Variants in CELF2 observed in about 807,000 individuals in gnomAD.
The protein encoded by CELF2 is CUG triplet repeat RNA-binding protein 2.
CELF2 carries 8 observed loss-of-function variants against 62.6 expected under a neutral mutation model. The observed-to-expected ratio is 0.13, with a 90% CI of 0.07 to 0.23. CELF2 has a LOEUF of 0.23. Among genes scored for constraint, CELF2 ranks in the 10% least tolerant of loss-of-function variants. The pLI, the probability that CELF2 is intolerant of heterozygous loss-of-function variation, is 1.00. For missense variants in CELF2, 333 were observed against 671.0 expected, an observed-to-expected ratio of 0.50 and a Z score of 5.56; for synonymous variants, 258 against 250.0, an observed-to-expected ratio of 1.03 and a Z score of -0.30.
the CELF2 span, among the ~76,000 whole-genome samples, chr10:10,790,214 TTTTTATATTCAAGAATATA>T: frequency 1.8e-4 from 27 of 152,132 alleles, no homozygotes; most frequent in African/African-American, 4.8e-5. Context: ...CGTCTATTAG[TTTTTATATTCAAGAATATA>T]TTTTATATTC....
chr10:11,128,854 T>C (rs1442600914), intron 1 of CELF2, among the ~76,000 whole-genome samples: 1 of 152,228 alleles, frequency 6.6e-6, no homozygotes, highest in Non-Finnish European at 1.5e-5. Flanking sequence ...CCTTTCCTAA[T>C]TGAATACCCT....
At chr10:10,924,111 T>A (rs573483507) in intron 2 of CELF2, 120 of 151,618 alleles carry the variant, frequency 7.9e-4, no homozygotes, top group African/African-American at 2.8e-3. Flanking sequence ...ATATAAACAC[T>A]CTCTACTAAA....
intron 8 of CELF2, among the ~76,000 whole-genome samples, chr10:11,284,037 T>C (rs1449852099): frequency 3.8e-5 from 5 of 130,962 alleles, no homozygotes; most frequent in Non-Finnish European, 4.9e-5. Context: ...TGGATGAGTG[T>C]GTGGTGAGTG....
the CELF2 span, among the ~76,000 whole-genome samples, chr10:10,540,199 T>C: frequency 6.6e-6 from 1 of 152,202 alleles, no homozygotes; most frequent in South Asian, 2.1e-4. Context: ...ACAGTCCCAG[T>C]TGTTTTATTG....
At chr10:10,559,452 A>G in the CELF2 span, among the ~76,000 whole-genome samples, 1 of 152,240 alleles carries the variant, frequency 6.6e-6, no homozygotes, top group South Asian at 2.1e-4. Flanking sequence ...AGTGCCTAGC[A>G]CAGCGTTTGA....
chr10:11,185,890 C>G (rs1242989596), intron 2 of CELF2, among the ~76,000 whole-genome samples: 1 of 152,158 alleles, frequency 6.6e-6, no homozygotes, highest in Non-Finnish European at 1.5e-5. Flanking sequence ...CTTCAGTTTC[C>G]TGGAAAATTG....
the CELF2 span, among the ~76,000 whole-genome samples, chr10:10,564,666 A>G: frequency 1.5e-4 from 15 of 102,308 alleles, no homozygotes; most frequent in Middle Eastern, 4.6e-3. Context: ...ACACACACAC[A>G]CACACACGCA....
intron 5 of CELF2, among the ~76,000 whole-genome samples, chr10:11,264,422 A>C (rs2081588300): frequency 6.6e-6 from 1 of 152,266 alleles, no homozygotes; most frequent in South Asian, 2.1e-4. Flanking sequence ...CTGGATAATA[A>C]GAGCAAATGA....
chr10:10,871,670 G>A (rs1333925878), intron 1 of CELF2, among the ~76,000 whole-genome samples: 2 of 152,060 alleles, frequency 1.3e-5, no homozygotes, highest in Non-Finnish European at 2.9e-5. Context: ...CAGGCATTTC[G>A]AAAGACTTCT....
rs1482465729 is a variant in CELF2 at position 11,237,733 on chromosome 10, G to T, written c.355-11420G>T. 7.2e-6 allele frequency among the ~76,000 whole-genome samples: 1 copy of T among 139,012 alleles called. No homozygotes were observed. Among genetic ancestry groups the T allele is most frequent in the Non-Finnish European group, 1.6e-5 (1 of 63,718 alleles). 91.2% of individuals were successfully genotyped at this position (139,012 alleles called of 152,430 possible). Reference sequence around the variant, plus strand: ...TCACAGTGAGCCCCACCTGACAACAGCTGGCACTGGGGAGGGCACCGAAGG... The same window carrying T: ...TCACAGTGAGCCCCACCTGACAACATCTGGCACTGGGGAGGGCACCGAAGG... On this transcript the variant is annotated intron_variant, in intron 3 of 12. Coordinates refer to ENST00000633077, the MANE Select transcript of CELF2 (RefSeq NM_001326342.2). The surrounding 1 kb of genome is among the most constrained non-coding windows in gnomAD (Gnocchi z 4.0).
At chr10:10,944,595 A>G (rs2135538271) in intron 2 of CELF2, among the ~76,000 whole-genome samples, 1 of 150,972 alleles carries the variant, frequency 6.6e-6, no homozygotes, top group African/African-American at 2.4e-5. Context: ...TGGAGGGAGG[A>G]TTTTTTTTTC....
chr10:10,889,701 A>C (rs2061999854), intron 1 of CELF2, among the ~76,000 whole-genome samples: 1 of 152,194 alleles, frequency 6.6e-6, no homozygotes, highest in African/African-American at 2.4e-5. Flanking sequence ...TAGTTCTGCC[A>C]CCTGCAAGCA....
At chr10:10,849,809 T>C (rs570369629) in intron 1 of CELF2, among the ~76,000 whole-genome samples, 7 of 151,830 alleles carry the variant, frequency 4.6e-5, no homozygotes, top group Non-Finnish European at 1.0e-4. Flanking sequence ...GGATAAAAAT[T>C]TATCCAGTTA....
chr10:10,832,262 C>A (rs1174717408), intron 1 of CELF2, among the ~76,000 whole-genome samples: 1 of 104,538 alleles, frequency 9.6e-6, no homozygotes, highest in Non-Finnish European at 1.9e-5. Context: ...AGCGAGACTC[C>A]ATCTAAAAAA....
intron 1 of CELF2, among the ~76,000 whole-genome samples, chr10:11,027,893 G>A (rs1303009338): frequency 7.9e-5 from 12 of 152,170 alleles, no homozygotes; most frequent in Non-Finnish European, 4.4e-5. Context: ...ACTAATGTTG[G>A]GAAAGAAATG....
chr10:10,806,563 A>C (rs1286564652), intron 1 of CELF2, among the ~76,000 whole-genome samples: 1 of 152,104 alleles, frequency 6.6e-6, no homozygotes, highest in Non-Finnish European at 1.5e-5. Context: ...GGTTGCTCCT[A>C]CATGATTTAT....
At chr10:10,790,543 G>A in the CELF2 span, among the ~76,000 whole-genome samples, 2 of 152,052 alleles carry the variant, frequency 1.3e-5, no homozygotes, top group African/African-American at 2.4e-5. Context: ...CCTTTATAAA[G>A]GACAAATTAG....
intron 1 of CELF2, among the ~76,000 whole-genome samples, chr10:11,068,391 G>A (rs2068728271): frequency 6.6e-6 from 1 of 152,150 alleles, no homozygotes; most frequent in Non-Finnish European, 1.5e-5. Context: ...TATCTTAAAG[G>A]TGAAGAGCTG....
At chr10:10,493,610 C>T in the CELF2 span, among the ~76,000 whole-genome samples, 1 of 151,364 alleles carries the variant, frequency 6.6e-6, no homozygotes, top group Non-Finnish European at 1.5e-5. Context: ...AGGCTCACTG[C>T]AGCCTCCGCC....
Sources: gnomAD v4.1 joint callset for allele counts (sites outside exome capture counted in the v4.1 genomes callset) on GRCh38, gnomAD v4.1.1 for gene constraint, Gnocchi (gnomAD v3.1) non-coding constraint, MANE v1.5 for transcripts, NCBI Gene and HGNC (gene_info 2026-07-23, HGNC 2026-07-21) for gene names.